Variants in ZNF644 observed in about 807,000 individuals in gnomAD.
ZNF644 encodes zinc finger protein 644, also known as zinc finger motif enhancer binding protein 2.
A neutral mutation model predicts 108.0 loss-of-function variants in ZNF644; 20 were observed. The ratio of observed to expected loss-of-function variants is 0.19; its 90% CI spans 0.13 to 0.27. The LOEUF is 0.27. ZNF644 is among the 10% of genes least tolerant of loss of function. ZNF644 has a pLI of 1.00. For missense variants in ZNF644, 1,338 were observed against 1,548.9 expected (o/e 0.86, Z 2.29); for synonymous variants, 542 against 539.1 (o/e 1.01, Z -0.08).
In ZNF644 at chr1:90,941,298, AAC is replaced by A; in HGVS notation, c.54_55del (p.Leu19LysfsTer9). ...ATCCATATTGTTGGCAAGCCCATTT[AAC>A]ACATTTAGTCTAGAAAATGGAAAAA... On this transcript the variant is annotated frameshift_variant, in exon 3 of 6. Coordinates refer to ENST00000337393, the MANE Select transcript of ZNF644 (RefSeq NM_201269.3). LOFTEE classifies it high-confidence loss of function. 1 of 1,600,260 alleles carries A rather than the reference AAC, an allele frequency of 6.2e-7. No homozygotes were observed. Among genetic ancestry groups the A allele is most frequent in the Non-Finnish European group, 8.5e-7 (1 of 1,176,722 alleles).
chr1:90,966,231 T>G (rs1056197117), intron 2 of ZNF644, among the ~76,000 whole-genome samples: 12 of 152,204 alleles, frequency 7.9e-5, no homozygotes, highest in African/African-American at 2.9e-4. Context: ...ATAAAGTTAC[T>G]AGAAGAGCAC....
At chr1:90,988,572 G>A (rs1488097222) in intron 1 of ZNF644, among the ~76,000 whole-genome samples, 1 of 152,106 alleles carries the variant, frequency 6.6e-6, no homozygotes, top group Non-Finnish European at 1.5e-5. Flanking sequence ...GGACCCCATA[G>A]AGCCAAAACA....
At chr1:90,952,173 G>A (rs1653245673) in intron 2 of ZNF644, among the ~76,000 whole-genome samples, 1 of 152,158 alleles carries the variant, frequency 6.6e-6, no homozygotes, top group South Asian at 2.1e-4. Flanking sequence ...CATTTTTACT[G>A]ACAAAGGGTC....
In ZNF644 at chr1:90,916,697, C is replaced by T; in HGVS notation, c.*101G>A. ...TGTAATTCACTTTCCCCCCATTTTCCTGCTTTAGTATTTATAAACAGATAA... is the reference window on the plus strand; with the variant it reads ...TGTAATTCACTTTCCCCCCATTTTCTTGCTTTAGTATTTATAAACAGATAA... On this transcript the variant is annotated 3_prime_UTR_variant, in exon 6 of 6. Coordinates refer to ENST00000337393, the MANE Select transcript of ZNF644 (RefSeq NM_201269.3). The T allele has an allele frequency of 7.6e-7, 1 of 1,320,868 alleles. No individual in the cohort carries two copies. The highest frequency in any genetic ancestry group is 1.9e-5 in the Admixed American group (1 of 51,892). The allele number at this position is 1,320,868 out of a possible 1,614,324, so 81.8% of individuals were successfully genotyped here. A position where few individuals can be genotyped will look rare whatever the true frequency, so the allele number is the denominator to read the frequency against.
chr1:90,967,954 G>A (rs1307340986), intron 2 of ZNF644, among the ~76,000 whole-genome samples: 12 of 150,790 alleles, frequency 8.0e-5, no homozygotes, highest in East Asian at 3.9e-4. Context: ...CCTGCTACTC[G>A]GGAGGCTGAG....
intron 4 of ZNF644, among the ~76,000 whole-genome samples, chr1:90,935,136 A>C (rs1651181837): frequency 6.6e-6 from 1 of 152,176 alleles, no homozygotes; most frequent in African/African-American, 2.4e-5. Flanking sequence ...ATTCTAAAAA[A>C]TAAATGGGAT....
intron 2 of ZNF644, among the ~76,000 whole-genome samples, chr1:90,948,404 C>A (rs1028160661): frequency 5.3e-5 from 8 of 152,154 alleles, no homozygotes; most frequent in African/African-American, 1.7e-4. Context: ...TTTAAAGGGA[C>A]TCCTTACAAC....
At chr1:90,924,237 T>C (rs898292452) in intron 4 of ZNF644, among the ~76,000 whole-genome samples, 1 of 152,174 alleles carries the variant, frequency 6.6e-6, no homozygotes, top group African/African-American at 2.4e-5. Flanking sequence ...TACTTCTTTG[T>C]GGTGACAGGT....
At chr1:91,000,023 C>G (rs1013987095) in intron 1 of ZNF644, among the ~76,000 whole-genome samples, 2 of 152,144 alleles carry the variant, frequency 1.3e-5, no homozygotes, top group African/African-American at 4.8e-5. Context: ...TACAGGAGCA[C>G]CCAGATTCAT....
chr1:90,989,319 T>TG, intron 1 of ZNF644, among the ~76,000 whole-genome samples: 1 of 151,930 alleles, frequency 6.6e-6, no homozygotes, highest in East Asian at 1.9e-4. Context: ...GAGGCTGAGG[T>TG]GGGAGGATCG....
chr1:90,929,969 G>C (rs1286753982), intron 4 of ZNF644, among the ~76,000 whole-genome samples: 1 of 152,114 alleles, frequency 6.6e-6, no homozygotes, highest in Non-Finnish European at 1.5e-5. Context: ...GCAACAATTG[G>C]GCTTTACTTC....
chr1:90,975,414 C>T (rs925627128), intron 2 of ZNF644, among the ~76,000 whole-genome samples: 2 of 151,704 alleles, frequency 1.3e-5, no homozygotes, highest in Non-Finnish European at 2.9e-5. Context: ...AGTTAGAAGA[C>T]CCTAAAAGTT....
intron 2 of ZNF644, among the ~76,000 whole-genome samples, chr1:90,947,528 C>T (rs931115710): frequency 4.6e-5 from 7 of 152,158 alleles, no homozygotes; most frequent in African/African-American, 1.7e-4. Flanking sequence ...TTGCCCTCCA[C>T]AGAAAGTATT....
intron 2 of ZNF644, among the ~76,000 whole-genome samples, chr1:90,957,661 T>C (rs1477367565): frequency 6.6e-6 from 1 of 152,056 alleles, no homozygotes; most frequent in Non-Finnish European, 1.5e-5. Flanking sequence ...TAAAAACCCA[T>C]AACAAACATC....
chr1:91,006,676 C>G (rs1177180333), intron 1 of ZNF644, among the ~76,000 whole-genome samples: 2 of 152,072 alleles, frequency 1.3e-5, no homozygotes, highest in African/African-American at 2.4e-5. Context: ...AACCTCCTAT[C>G]CCAAGCTGAA....
In ZNF644 at chr1:90,940,294, A is replaced by T. The variant is rs186630179; in HGVS notation, c.1060T>A (p.Leu354Ile). The change falls in exon 3 of 6, where the codon TTA becomes ATA. Residue 354 changes from leucine (L) to isoleucine (I), a missense_variant. By Grantham distance (5) the Leu-to-Ile change is conservative. Around this residue, in one of 6 missense-constraint regions of ZNF644, gnomAD observed 464 missense variants for 457.9 expected, o/e 1.01. Coordinates refer to ENST00000337393, the MANE Select transcript of ZNF644 (RefSeq NM_201269.3). ...KVKPESTDED[L>I]ESVDAFQHLI... ...TGTTGGAAGGCATCCACAGATTCTAAGTCTTCATCAGTTGATTCAGGCTTC... is the reference window on the plus strand; with the variant it reads ...TGTTGGAAGGCATCCACAGATTCTATGTCTTCATCAGTTGATTCAGGCTTC... The T allele has an allele frequency of 6.2e-7, 1 of 1,613,862 alleles. No homozygotes were observed. The highest frequency in any genetic ancestry group is 8.5e-7 in the Non-Finnish European group (1 of 1,179,956).
chr1:90,939,834 C>A lies in ZNF644; in HGVS notation c.1520G>T (p.Cys507Phe), dbSNP rs775941884. The stretch of plus-strand genomic sequence containing the variant: ...AGCATGTTGCACAAATGTTTTAGGG[C>A]AATTGGTACCAAACACACACTGAGG... The part of the protein sequence containing the change: ...QCPQCVFGTN[C>F]PKTFVQHAKT... Residue 507 changes from cysteine to phenylalanine, a missense_variant, in exon 3 of 6, where the codon TGC (cysteine) becomes TTC (phenylalanine). Transcript: ENST00000337393. The A allele has an allele frequency of 4.9e-5, 79 of 1,613,874 alleles. No individual in the cohort carries two copies. The highest frequency in any genetic ancestry group is 5.9e-6 in the Non-Finnish European group (7 of 1,179,950).
In ZNF644 at chr1:91,015,393, G is replaced by A. The variant is rs138852901; in HGVS notation, c.-18+6597C>T. Reference sequence around the variant, plus strand: ...CCAATGAAAAGATTATATTCCACCCGCCTCAATCTAGCTACCTACCAGCCA... The same window carrying A: ...CCAATGAAAAGATTATATTCCACCCACCTCAATCTAGCTACCTACCAGCCA... On this transcript the variant is annotated intron_variant, in intron 1 of 5. Coordinates refer to ENST00000337393, the MANE Select transcript of ZNF644 (RefSeq NM_201269.3). 9.3e-4 allele frequency among the ~76,000 whole-genome samples: 141 copies of A among 152,180 alleles called. 2 individuals carry two copies. The East Asian group carries it at 0.021, about 23-fold the overall frequency.
chr1:91,000,559 A>T (rs1658662311), intron 1 of ZNF644, among the ~76,000 whole-genome samples: 1 of 152,242 alleles, frequency 6.6e-6, no homozygotes, highest in African/African-American at 2.4e-5. Context: ...GGAAATTTAT[A>T]GCACTAAATG....
Sources: gnomAD v4.1 joint callset for allele counts (sites outside exome capture counted in the v4.1 genomes callset) on GRCh38, gnomAD v4.1.1 for gene constraint, gnomAD v4.1.1 regional missense constraint, MANE v1.5 for transcripts, NCBI Gene and HGNC (gene_info 2026-07-23, HGNC 2026-07-21) for gene names.